NAF1: variants seen among roughly 807,000 people sequenced by gnomAD.
The protein encoded by NAF1 is nuclear assembly factor 1 ribonucleoprotein.
NAF1 carries 11 observed loss-of-function variants against 40.6 expected under a neutral mutation model. The ratio of observed to expected loss-of-function variants is 0.27; its 90% CI spans 0.17 to 0.45. The LOEUF (loss-of-function observed/expected upper bound fraction) is 0.45. NAF1 is among the 20% of genes least tolerant of loss of function. NAF1 has a pLI of 1.00. For missense variants in NAF1, 607 were observed against 611.1 expected (o/e 0.99, Z 0.07); for synonymous variants, 260 against 228.5 (o/e 1.14, Z -1.24).
chr4:163,158,663 T>C (rs1440128278), intron 2 of NAF1, among the ~76,000 whole-genome samples: 1 of 150,074 alleles, frequency 6.7e-6, no homozygotes, highest in Non-Finnish European at 1.5e-5. Flanking sequence ...CATAATACTT[T>C]CAAAATTTAA....
chr4:163,145,321 T>A (rs1731418169), intron 4 of NAF1, among the ~76,000 whole-genome samples: 1 of 152,186 alleles, frequency 6.6e-6, no homozygotes, highest in African/African-American at 2.4e-5. Flanking sequence ...CAGTGAAATA[T>A]TTTTCCACTT....
chr4:163,161,709 C>G (rs1732231169), intron 2 of NAF1, among the ~76,000 whole-genome samples: 1 of 152,198 alleles, frequency 6.6e-6, no homozygotes, highest in African/African-American at 2.4e-5. Flanking sequence ...ATAAGTCGTA[C>G]ATGATATCAC....
chr4:163,149,679 C>T (rs1039638348), intron 2 of NAF1, among the ~76,000 whole-genome samples: 1 of 152,130 alleles, frequency 6.6e-6, no homozygotes, highest in East Asian at 1.9e-4. Flanking sequence ...ACCACTTGCC[C>T]TTTCATCATA....
At chr4:163,106,952 C>A (rs550143949), downstream of NAF1, among the ~76,000 whole-genome samples, 1 of 152,092 alleles carries the variant, frequency 6.6e-6, no homozygotes, top group East Asian at 1.9e-4. Flanking sequence ...TATTTCTCCA[C>A]GCCTACCTTT....
downstream of NAF1, among the ~76,000 whole-genome samples, chr4:163,122,168 T>A (rs1012128537): frequency 2.0e-5 from 3 of 152,200 alleles, no homozygotes; most frequent in Admixed American, 6.5e-5. Flanking sequence ...CCTTAAAACA[T>A]ACAGTAAGAT....
chr4:163,166,814 G>T lies in NAF1; in HGVS notation c.-87C>A. 1 of 1,525,110 alleles carries T rather than the reference G, an allele frequency of 6.6e-7. No individual in the cohort carries two copies. The allele number at this position is 1,525,110 out of a possible 1,614,324, so 94.5% of individuals were successfully genotyped here. ...TCTCCAGAAATAGAAAAACAACTTA[G>T]GCAACCGCAGCAACACTGCCTGGGC... is the stretch of plus-strand genomic sequence containing the variant. On this transcript the variant is annotated 5_prime_UTR_variant, in exon 1 of 8. Coordinates refer to ENST00000274054, the MANE Select transcript of NAF1 (RefSeq NM_138386.3).
At chr4:163,108,529 G>T (rs1560772557), downstream of NAF1, among the ~76,000 whole-genome samples, 1 of 152,150 alleles carries the variant, frequency 6.6e-6, no homozygotes, top group African/African-American at 2.4e-5. Flanking sequence ...ACAGATTAAA[G>T]AAATAATTGC....
chr4:163,107,804 C>T (rs1224329156), downstream of NAF1, among the ~76,000 whole-genome samples: 1 of 152,092 alleles, frequency 6.6e-6, no homozygotes, highest in African/African-American at 2.4e-5. Context: ...TTTCCCTAAT[C>T]CCCCACTATG....
intron 2 of NAF1, chr4:163,158,467 T>C (rs1463800096): frequency 6.6e-6 from 1 of 152,138 alleles, no homozygotes; most frequent in African/African-American, 2.4e-5. Flanking sequence ...CAGCTATTTA[T>C]CACCAGTAAG....
intron 6 of NAF1, chr4:163,135,262 A>G (rs1731011106): frequency 6.6e-6 from 1 of 152,168 alleles, no homozygotes; most frequent in Non-Finnish European, 1.5e-5. Flanking sequence ...ATTTTAATCT[A>G]TGATCAATAC....
At chr4:163,137,177 G>C (rs750307273) in intron 6 of NAF1, 22 bp downstream of exon 6, 1 of 1,611,134 alleles carries the variant, frequency 6.2e-7, no homozygotes, top group Non-Finnish European at 8.5e-7. Flanking sequence ...ATAAAATGTT[G>C]CATAAAAAGA....
At chr4:163,125,648 A>T (rs1032410380), downstream of NAF1, among the ~76,000 whole-genome samples, 3 of 152,210 alleles carry the variant, frequency 2.0e-5, no homozygotes, top group Non-Finnish European at 4.4e-5. Flanking sequence ...CATAACATAA[A>T]AGTGCAAGAT....
chr4:163,157,943 C>A (rs1187292232), intron 2 of NAF1, among the ~76,000 whole-genome samples: 1 of 152,022 alleles, frequency 6.6e-6, no homozygotes, highest in African/African-American at 2.4e-5. Context: ...GTTGACTTTT[C>A]AAGCATTTGT....
intron 2 of NAF1, among the ~76,000 whole-genome samples, chr4:163,160,069 T>G (rs1379039024): frequency 6.6e-6 from 1 of 152,148 alleles, no homozygotes; most frequent in Non-Finnish European, 1.5e-5. Context: ...TTAAAAAGAA[T>G]CTCAATTTTC....
Position 163,166,438 on chromosome 4 carries a change from G to A in NAF1, c.290C>T (p.Thr97Ile), listed in dbSNP as rs1451023360. 4 of 1,607,578 alleles carry A rather than the reference G, an allele frequency of 2.5e-6. No homozygotes were observed. The highest frequency in any genetic ancestry group is 2.5e-6 in the Non-Finnish European group (3 of 1,177,030). ...AESPACGDCV[T>I]SPGAAEPARA... ...CGCAGGCTCTGCGGCTCCTGGGGAG[G>A]TGACGCAGTCTCCGCAGGCCGGCGA... is the stretch of plus-strand genomic sequence containing the variant. The change falls in exon 1 of 8, where the codon ACC (threonine) becomes ATC (isoleucine). Residue 97 changes from threonine (T) to isoleucine (I), a missense_variant. By Grantham distance (89) the Thr-to-Ile change is moderately conservative. Around this residue, in one of 3 missense-constraint regions of NAF1, gnomAD observed 407 missense variants for 365.5 expected, o/e 1.11. Transcript: ENST00000274054.
downstream of NAF1, chr4:163,126,999 T>C (rs1391067996): frequency 7.1e-6 from 11 of 1,551,304 alleles, no homozygotes; most frequent in Non-Finnish European, 9.6e-6. Flanking sequence ...CTTAATAAAC[T>C]AAAGTAGCAT....
intron 2 of NAF1, among the ~76,000 whole-genome samples, chr4:163,116,254 C>A (rs1447281614): frequency 6.6e-6 from 1 of 151,954 alleles, no homozygotes; most frequent in Non-Finnish European, 1.5e-5. Context: ...TAAGTGAAAC[C>A]CTTGAAAATG....
intron 2 of NAF1, chr4:163,158,305 CTG>C (rs1732074549): frequency 6.6e-6 from 1 of 151,984 alleles, no homozygotes; most frequent in Non-Finnish European, 1.5e-5. Context: ...AGAGCCATGA[CTG>C]AATTTTTTTT....
At chr4:163,141,695 G>GT (rs143602656) in intron 4 of NAF1, among the ~76,000 whole-genome samples, 2,865 of 152,280 alleles carry the variant, frequency 0.019, 105 homozygotes, top group African/African-American at 0.064. Flanking sequence ...TTTGTAAGGA[G>GT]TGGAGGTATT....
Sources: gnomAD v4.1 joint callset for allele counts (sites outside exome capture counted in the v4.1 genomes callset) on GRCh38, gnomAD v4.1.1 for gene constraint, gnomAD v4.1.1 regional missense constraint, MANE v1.5 for transcripts, NCBI Gene and HGNC (gene_info 2026-07-23, HGNC 2026-07-21) for gene names.